The following FYN variants were observed in gnomAD, a reference collection of about 807,000 sequenced individuals.
FYN encodes the protein tyrosine-protein kinase Fyn.
A neutral mutation model predicts 70.2 loss-of-function variants in FYN; 10 were observed. The observed-to-expected ratio is 0.14, with a 90% CI of 0.09 to 0.24. The LOEUF (loss-of-function observed/expected upper bound fraction) is 0.24, where lower values mean the gene tolerates loss of function less well. FYN is among the 10% of genes least tolerant of loss of function. The probability of loss-of-function intolerance (pLI) is 1.00; values close to 1 mark genes in which losing one functional copy is unlikely to be tolerated. For synonymous variants in FYN, 236 were observed against 248.6 expected (o/e 0.95, Z 0.48); for missense variants, 319 against 673.1 (o/e 0.47, Z 5.82).
At chr6:111,787,582 C>T (rs1583444619) in intron 2 of FYN, among the ~76,000 whole-genome samples, 2 of 152,222 alleles carry the variant, frequency 1.3e-5, no homozygotes, top group Non-Finnish European at 1.5e-5. Flanking sequence ...AAATCTTCAA[C>T]GGTCTTTCAG....
chr6:111,674,116 G>A (rs574414364), intron 13 of FYN, among the ~76,000 whole-genome samples: 4 of 152,156 alleles, frequency 2.6e-5, no homozygotes, highest in Non-Finnish European at 5.9e-5. Flanking sequence ...AAGCAGTGGG[G>A]CTTTTCTCCT....
At chr6:111,805,923 T>C (rs966892651) in intron 2 of FYN, among the ~76,000 whole-genome samples, 1 of 152,156 alleles carries the variant, frequency 6.6e-6, no homozygotes, top group African/African-American at 2.4e-5. Flanking sequence ...CTCACAGTAG[T>C]TCCTCCAGCG....
intron 1 of FYN, among the ~76,000 whole-genome samples, chr6:111,851,562 C>A (rs187305814): frequency 2.3e-4 from 35 of 152,190 alleles, no homozygotes; most frequent in African/African-American, 7.0e-4. Flanking sequence ...ATGATGACCA[C>A]CTGATGATGC....
chr6:111,848,053 G>A (rs1773582349), intron 1 of FYN, among the ~76,000 whole-genome samples: 1 of 152,186 alleles, frequency 6.6e-6, no homozygotes, highest in Non-Finnish European at 1.5e-5. Flanking sequence ...TGTAAAAAAT[G>A]AGAATTATTT....
At chr6:111,840,081 C>A (rs1375865532) in intron 2 of FYN, among the ~76,000 whole-genome samples, 1 of 152,062 alleles carries the variant, frequency 6.6e-6, no homozygotes, top group South Asian at 2.1e-4. Flanking sequence ...TCCAAGTGGC[C>A]CCTTCTAAGA....
chr6:111,783,302 T>C (rs1771244994), intron 2 of FYN, among the ~76,000 whole-genome samples: 1 of 152,186 alleles, frequency 6.6e-6, no homozygotes, highest in Admixed American at 6.5e-5. Flanking sequence ...CAAGTGACTC[T>C]TAGGACAAGT....
At chr6:111,781,601 TA>T (rs1477776323) in intron 2 of FYN, among the ~76,000 whole-genome samples, 7 of 152,162 alleles carry the variant, frequency 4.6e-5, no homozygotes, top group African/African-American at 1.7e-4. Flanking sequence ...TCAAATGCTG[TA>T]ACGCCCAGAG....
intron 13 of FYN, among the ~76,000 whole-genome samples, chr6:111,667,333 G>C (rs973717503): frequency 6.6e-6 from 1 of 152,076 alleles, no homozygotes; most frequent in Non-Finnish European, 1.5e-5. Context: ...TGAACTCCTG[G>C]GCTCAAGCGA....
At chr6:111,722,604 A>C (rs1801006686) in intron 3 of FYN, among the ~76,000 whole-genome samples, 1 of 152,200 alleles carries the variant, frequency 6.6e-6, no homozygotes, top group African/African-American at 2.4e-5. Flanking sequence ...TCACAGACTC[A>C]TATCACTTAC....
chr6:111,866,340 GTTTTGTTTTC>G (rs1217709330), intron 1 of FYN, among the ~76,000 whole-genome samples: 2 of 151,962 alleles, frequency 1.3e-5, no homozygotes, highest in Non-Finnish European at 2.9e-5. Flanking sequence ...TCATGCTTTT[GTTTTGTTTTC>G]TTTTGTTTTG....
chr6:111,771,282 C>A (rs1327956098), intron 3 of FYN, among the ~76,000 whole-genome samples: 1 of 152,096 alleles, frequency 6.6e-6, no homozygotes, highest in Admixed American at 6.5e-5. Context: ...AAGATGGGAA[C>A]AACAGATGTC....
At chr6:111,838,031 T>C (rs1773244109) in intron 2 of FYN, among the ~76,000 whole-genome samples, 1 of 152,138 alleles carries the variant, frequency 6.6e-6, no homozygotes, top group South Asian at 2.1e-4. Context: ...GCCATCATGC[T>C]CACCCAACAG....
intron 2 of FYN, among the ~76,000 whole-genome samples, chr6:111,797,744 A>C (rs1397603261): frequency 2.0e-5 from 3 of 146,594 alleles, no homozygotes; most frequent in Non-Finnish European, 3.0e-5. Flanking sequence ...CACCCCTCCC[A>C]AAAACGACAA....
At chr6:111,776,420 C>G (rs890537509) in intron 3 of FYN, among the ~76,000 whole-genome samples, 1 of 152,170 alleles carries the variant, frequency 6.6e-6, no homozygotes, top group Non-Finnish European at 1.5e-5. Flanking sequence ...CCTCCAAATC[C>G]CATTCATCTT....
intron 2 of FYN, among the ~76,000 whole-genome samples, chr6:111,791,955 C>T (rs933097064): frequency 3.3e-5 from 5 of 152,138 alleles, no homozygotes; most frequent in Admixed American, 2.0e-4. Flanking sequence ...ACATAGAGAA[C>T]ACCTTCATAC....
chr6:111,830,012 AC>A (rs1251023511), intron 2 of FYN, among the ~76,000 whole-genome samples: 1 of 152,082 alleles, frequency 6.6e-6, no homozygotes. Context: ...CTGGTCCTCC[AC>A]CCCCATAATT....
In FYN at chr6:111,714,433, G is replaced by A; in HGVS notation, c.258C>T (p.Leu86=). The change falls in exon 5 of 14, where the codon CTC becomes CTT. Residue 86 remains leucine, a synonymous_variant. Transcript: ENST00000354650. ...CTTCATAGTCATAAAGGGCCACAAA[G>A]AGTGTCACTCCTGCCGAAACGAAAT... ...LRTRGGTGVT[L]FVALYDYEAR... is the part of the protein sequence containing the mutation. 1 of 1,613,774 alleles carries A rather than the reference G, an allele frequency of 6.2e-7. No individual in the cohort carries two copies. The highest frequency in any genetic ancestry group is 8.5e-7 in the Non-Finnish European group (1 of 1,179,646).
At chr6:111,798,589 C>T (rs961494188) in intron 2 of FYN, among the ~76,000 whole-genome samples, 2 of 152,138 alleles carry the variant, frequency 1.3e-5, no homozygotes, top group East Asian at 1.9e-4. Flanking sequence ...TTGCAAGATG[C>T]GGTGGAAGTC....
intron 3 of FYN, among the ~76,000 whole-genome samples, chr6:111,753,590 C>T (rs1430313774): frequency 6.7e-6 from 1 of 148,338 alleles, no homozygotes; most frequent in Non-Finnish European, 1.5e-5. Flanking sequence ...TATTAGGCCA[C>T]AACTGACATG....
Sources: allele counts gnomAD v4.1 joint callset (sites outside exome capture counted in the v4.1 genomes callset), GRCh38; gene constraint gnomAD v4.1.1; transcripts MANE v1.5; gene names NCBI Gene and HGNC (gene_info 2026-07-23, HGNC 2026-07-21).